Variants in KCNQ1 observed in about 807,000 individuals in gnomAD.
KCNQ1 encodes potassium voltage-gated channel subfamily KQT member 1.
In KCNQ1, 49 loss-of-function variants were observed where a neutral mutation model predicts 72.4. The ratio of observed to expected loss-of-function variants is 0.68; its 90% CI spans 0.54 to 0.86. The LOEUF is 0.86. Among genes scored for constraint, KCNQ1 ranks in the 40% least tolerant of loss-of-function variants. KCNQ1 has a pLI of 0.00. For missense variants in KCNQ1, 790 were observed against 945.1 expected, an observed-to-expected ratio of 0.84 and a Z score of 2.15; for synonymous variants, 450 against 412.6, an observed-to-expected ratio of 1.09 and a Z score of -1.10.
chr11:2,556,614 C>G (rs984401580), intron 2 of KCNQ1, among the ~76,000 whole-genome samples: 30 of 152,190 alleles, frequency 2.0e-4, no homozygotes, highest in African/African-American at 6.5e-4. Flanking sequence ...AGAGAAAAAG[C>G]TTGTCAAGCC....
intron 15 of KCNQ1, among the ~76,000 whole-genome samples, chr11:2,798,960 C>T (rs980481495): frequency 1.4e-4 from 21 of 152,190 alleles, no homozygotes; most frequent in African/African-American, 3.4e-4. Context: ...AGAGGGTACC[C>T]GCGTGAAGGG....
At chr11:2,756,825 T>A (rs1178026769) in intron 11 of KCNQ1, among the ~76,000 whole-genome samples, 3 of 151,968 alleles carry the variant, frequency 2.0e-5, no homozygotes, top group Non-Finnish European at 4.4e-5. Flanking sequence ...TATATGACAT[T>A]TTATAAGAAA....
intron 1 of KCNQ1, among the ~76,000 whole-genome samples, chr11:2,525,003 A>G (rs1307317584): frequency 6.6e-6 from 1 of 152,154 alleles, no homozygotes; most frequent in Non-Finnish European, 1.5e-5. Flanking sequence ...AATCAAAACA[A>G]ACAGACGTCC....
chr11:2,458,756 C>CTA lies in KCNQ1; in HGVS notation c.386+13273_386+13274dup, dbSNP rs1300727785. On this transcript the variant is annotated intron_variant, in intron 1 of 15. Coordinates refer to ENST00000155840, the MANE Select transcript of KCNQ1 (RefSeq NM_000218.3). The surrounding 1 kb of genome is among the most constrained non-coding windows in gnomAD (Gnocchi z 4.6). Reference sequence around the variant, plus strand: ...GAAATACTCGGGCCAGAGGAACGCGCTAAATGATACTACAGGAGGCCACTT... The same window carrying CTA: ...GAAATACTCGGGCCAGAGGAACGCGCTATAAATGATACTACAGGAGGCCACTT... 6.6e-6 allele frequency among the ~76,000 whole-genome samples: 1 copy of CTA among 152,144 alleles called. No homozygotes were observed. Among genetic ancestry groups the CTA allele is most frequent in the East Asian group, 1.9e-4 (1 of 5,190 alleles).
In KCNQ1 at chr11:2,549,106, G is replaced by T. The variant is rs1051891310; in HGVS notation, c.477+21088G>T. Among the ~76,000 whole-genome samples the T allele has an allele frequency of 6.6e-5, 10 of 152,174 alleles. No homozygotes were observed. The highest frequency in any genetic ancestry group is 2.4e-4 in the African/African-American group (10 of 41,438). On this transcript the variant is annotated intron_variant, in intron 2 of 15. Coordinates refer to ENST00000155840, the MANE Select transcript of KCNQ1 (RefSeq NM_000218.3). This position sits in a 1 kb window ranked among gnomAD's most constrained non-coding sequence, Gnocchi z 6.2. Reference sequence around the variant, plus strand: ...CTTCCACCCAAGGGAGAGTGGCTGGGTGGAGAGGGGGCAGGCTGAGATCTG... The same window carrying T: ...CTTCCACCCAAGGGAGAGTGGCTGGTTGGAGAGGGGGCAGGCTGAGATCTG...
At position 2,711,963 on chromosome 11, in the gene KCNQ1, C is replaced by T. The variant is rs1851015595; in HGVS notation, c.1514+49882C>T. On this transcript the variant is annotated intron_variant, in intron 11 of 15. Transcript: ENST00000155840. The surrounding 1 kb of genome is among the most constrained non-coding windows in gnomAD (Gnocchi z 5.4). ...CACCTGTGTCCATCCCCTTGGGCAG[C>T]ACACAGCCAAGTCCTTTTGGACCAA... Among the ~76,000 whole-genome samples the T allele has an allele frequency of 6.6e-6, 1 of 152,094 alleles. No individual in the cohort carries two copies. Among genetic ancestry groups the T allele is most frequent in the African/African-American group, 2.4e-5 (1 of 41,416 alleles).
intron 10 of KCNQ1, chr11:2,633,877 A>T: frequency 2.5e-6 from 1 of 398,638 alleles, no homozygotes; most frequent in Non-Finnish European, 4.4e-6. Context: ...AATGTCAGTC[A>T]TCTGTATACA....
intron 1 of KCNQ1, among the ~76,000 whole-genome samples, chr11:2,448,296 G>T (rs967869921): frequency 3.9e-5 from 6 of 152,228 alleles, no homozygotes; most frequent in African/African-American, 1.4e-4. Flanking sequence ...CCTAAGTCTG[G>T]CTCAGCAGCC....
At position 2,678,164 on chromosome 11, in the gene KCNQ1, T is replaced by A; in HGVS notation, c.1514+16083T>A. 2.5e-6 allele frequency: 1 copy of A among 398,356 alleles called. No homozygotes were observed. The highest frequency in any genetic ancestry group is 2.1e-5 in the African/African-American group (1 of 48,750). The allele number at this position is 398,356 out of a possible 1,614,324, so 24.7% of individuals were successfully genotyped here. ...TCCTTAGGTGTTTTGGCTTTTTCTA[T>A]AATATTTTTCTGGTGGCAGAATTTT... On this transcript the variant is annotated intron_variant, in intron 11 of 15. Coordinates refer to ENST00000155840, the MANE Select transcript of KCNQ1 (RefSeq NM_000218.3). The surrounding 1 kb of genome is among the most constrained non-coding windows in gnomAD (Gnocchi z 4.9).
rs1850661740 is a variant in KCNQ1 at position 2,695,593 on chromosome 11, G to T, written c.1514+33512G>T. 2.5e-6 allele frequency: 1 copy of T among 398,410 alleles called. No homozygotes were observed. The allele number at this position is 398,410 out of a possible 1,614,324, so 24.7% of individuals were successfully genotyped here. On this transcript the variant is annotated intron_variant, in intron 11 of 15. Coordinates refer to ENST00000155840, the MANE Select transcript of KCNQ1 (RefSeq NM_000218.3). This position sits in a 1 kb window ranked among gnomAD's most constrained non-coding sequence, Gnocchi z 5.2. ...ACACACACAGCCTCTCGTTGTTCTG[G>T]GTGAGAACTGCTCCAGCATGTTTAC...
At chr11:2,609,520 A>G in intron 10 of KCNQ1, 1 of 398,368 alleles carries the variant, frequency 2.5e-6, no homozygotes, top group Admixed American at 4.4e-5. Flanking sequence ...GAAGTGCTCT[A>G]TAATTACCTT....
intron 11 of KCNQ1, among the ~76,000 whole-genome samples, chr11:2,738,998 G>T (rs1846003888): frequency 6.6e-6 from 1 of 152,202 alleles, no homozygotes; most frequent in Non-Finnish European, 1.5e-5. Context: ...GAGTCCAGGG[G>T]TCTGCAGAGG....
chr11:2,469,744 G>A (rs1846414237), intron 1 of KCNQ1, among the ~76,000 whole-genome samples: 2 of 152,010 alleles, frequency 1.3e-5, no homozygotes, highest in Admixed American at 6.5e-5. Context: ...CGCGATCTCG[G>A]CTCACTGCAA....
chr11:2,623,864 TC>T lies in KCNQ1; in HGVS notation c.1393+35011del, dbSNP rs1235394618. The T allele has an allele frequency of 7.5e-6, 3 of 398,618 alleles. No homozygotes were observed. Among genetic ancestry groups the T allele is most frequent in the African/African-American group, 6.2e-5 (3 of 48,750 alleles). 24.7% of individuals were successfully genotyped at this position (398,618 alleles called of 1,614,324 possible). ...CCACTGATTTCGATATACTCTGGATTCTTCGGGGGATATGTATACACATTCA... is the reference window on the plus strand; with the variant it reads ...CCACTGATTTCGATATACTCTGGATTTTCGGGGGATATGTATACACATTCA... On this transcript the variant is annotated intron_variant, in intron 10 of 15. Transcript: ENST00000155840. This position sits in a 1 kb window ranked among gnomAD's most constrained non-coding sequence, Gnocchi z 5.2.
chr11:2,814,517 G>C (rs1847573827), intron 15 of KCNQ1, among the ~76,000 whole-genome samples: 1 of 151,880 alleles, frequency 6.6e-6, no homozygotes, highest in Non-Finnish European at 1.5e-5. Context: ...GGGAAGGCTG[G>C]ATAAAGAGAC....
At chr11:2,797,151 G>A (rs964419746) in intron 15 of KCNQ1, among the ~76,000 whole-genome samples, 17 of 143,088 alleles carry the variant, frequency 1.2e-4, no homozygotes, top group African/African-American at 4.0e-4. Context: ...CGGCCGCTCC[G>A]GGCAGACCTG....
chr11:2,667,618 T>G, intron 11 of KCNQ1: 1 of 398,526 alleles, frequency 2.5e-6, no homozygotes, highest in Non-Finnish European at 4.4e-6. Context: ...CCCATATAGA[T>G]CTCTTGTGTG....
chr11:2,522,437 G>A (rs935619837), intron 1 of KCNQ1, among the ~76,000 whole-genome samples: 1 of 152,186 alleles, frequency 6.6e-6, no homozygotes, highest in Non-Finnish European at 1.5e-5. Context: ...GGCAGAGGGG[G>A]TGGTAGGTGG....
intron 11 of KCNQ1, among the ~76,000 whole-genome samples, chr11:2,749,641 CAAAAA>C (rs35701102): frequency 0.024 from 2,109 of 87,106 alleles, 91 homozygotes; most frequent in East Asian, 0.21. Flanking sequence ...ACTAAAAATA[CAAAAA>C]AAAAAAAAAA....
Sources: allele counts gnomAD v4.1 joint callset (sites outside exome capture counted in the v4.1 genomes callset), GRCh38; gene constraint gnomAD v4.1.1; non-coding constraint Gnocchi (gnomAD v3.1); transcripts MANE v1.5; gene names NCBI Gene and HGNC (gene_info 2026-07-23, HGNC 2026-07-21).